MTOR: variants seen among roughly 807,000 people sequenced by gnomAD.
MTOR encodes the protein serine/threonine-protein kinase mTOR.
Under a neutral mutation model 319.8 loss-of-function variants are expected in MTOR, and 70 were observed. That is an observed-to-expected ratio of 0.22 (90% CI 0.18 to 0.27). MTOR has a LOEUF of 0.27. Ranked by LOEUF, MTOR falls within the 10% of genes least tolerant of loss-of-function variation. MTOR has a pLI of 1.00. For synonymous variants in MTOR, 1,183 were observed against 1,211.4 expected, an observed-to-expected ratio of 0.98 and a Z score of 0.49; for missense variants, 1,890 against 3,274.4, an observed-to-expected ratio of 0.58 and a Z score of 10.32.
rs201355215 is a variant in MTOR at position 11,133,055 on chromosome 1, T to C, written c.5364+25A>G. On this transcript the variant is annotated intron_variant, in intron 38 of 57. Transcript: ENST00000361445. The surrounding 1 kb of genome is among the most constrained non-coding windows in gnomAD (Gnocchi z 4.0). Reference sequence around the variant, plus strand: ...CACGAGCCAGCCAGGGTGCTGGGTCTCACAGGTGGCCTGCTTCTGATCACC... The same window carrying C: ...CACGAGCCAGCCAGGGTGCTGGGTCCCACAGGTGGCCTGCTTCTGATCACC... The C allele has an allele frequency of 6.2e-7, 1 of 1,604,852 alleles. No individual in the cohort carries two copies. Among genetic ancestry groups the C allele is most frequent in the East Asian group, 2.2e-5 (1 of 44,830 alleles).
intron 25 of MTOR, among the ~76,000 whole-genome samples, chr1:11,205,575 G>C (rs764320797): frequency 6.6e-6 from 1 of 152,156 alleles, no homozygotes; most frequent in Non-Finnish European, 1.5e-5. Context: ...CACCTGCCTG[G>C]GATCCTGGCT....
chr1:11,202,390 CAGCCTGGGAAACAG>C (rs1646000938), intron 26 of MTOR, among the ~76,000 whole-genome samples: 1 of 126,018 alleles, frequency 7.9e-6, no homozygotes, highest in Admixed American at 1.1e-4. Context: ...CACTGCACTC[CAGCCTGGGAAACAG>C]AGCAAAACTC....
intron 49 of MTOR, among the ~76,000 whole-genome samples, chr1:11,120,743 C>T (rs1452771841): frequency 6.6e-6 from 1 of 152,046 alleles, no homozygotes; most frequent in Non-Finnish European, 1.5e-5. Context: ...ACATATAATA[C>T]CTAATACAAT....
chr1:11,218,724 A>T (rs1167376415), intron 19 of MTOR, among the ~76,000 whole-genome samples: 1 of 152,180 alleles, frequency 6.6e-6, no homozygotes, highest in East Asian at 1.9e-4. Flanking sequence ...AATGCTGAGT[A>T]GAGAGCTAGA....
rs184117984 is a variant in MTOR at position 11,160,584 on chromosome 1, G to T, written c.4330-3293C>A. Among the ~76,000 whole-genome samples, 383 of 152,272 alleles carry T rather than the reference G, an allele frequency of 2.5e-3. 3 individuals are homozygous for T. The highest frequency in any genetic ancestry group is 3.9e-3 in the Non-Finnish European group (265 of 68,022). On this transcript the variant is annotated intron_variant, in intron 29 of 57. Coordinates refer to ENST00000361445, the MANE Select transcript of MTOR (RefSeq NM_004958.4). Reference sequence around the variant, plus strand: ...GTTTTGCCATTTATTCACTCTGTCAGCTCAGACCAGTTCTTAACCTGCTGG... The same window carrying T: ...GTTTTGCCATTTATTCACTCTGTCATCTCAGACCAGTTCTTAACCTGCTGG...
At chr1:11,196,836 G>T (rs982561250) in intron 28 of MTOR, among the ~76,000 whole-genome samples, 22 of 149,696 alleles carry the variant, frequency 1.5e-4, no homozygotes, top group African/African-American at 5.4e-4. Context: ...TGGAGACAGA[G>T]CGCGACTCCA....
intron 19 of MTOR, 148 bp from the exon 20 acceptor site, chr1:11,216,382 G>GCT: frequency 3.5e-6 from 2 of 574,442 alleles, no homozygotes; most frequent in Non-Finnish European, 6.1e-6. Flanking sequence ...AAAGACCCAA[G>GCT]CTTGGCTAGG....
intron 25 of MTOR, among the ~76,000 whole-genome samples, chr1:11,206,629 A>C (rs1646146632): frequency 6.6e-6 from 1 of 152,250 alleles, no homozygotes; most frequent in South Asian, 2.1e-4. Flanking sequence ...TTTTCAAAAA[A>C]TCATAGCTTA....
At chr1:11,118,121 A>C (rs746194317) in intron 49 of MTOR, among the ~76,000 whole-genome samples, 3 of 152,116 alleles carry the variant, frequency 2.0e-5, no homozygotes, top group Non-Finnish European at 2.9e-5. Context: ...AATAAAAACA[A>C]AATCTTCTAA....
chr1:11,168,953 T>C (rs188291974), intron 28 of MTOR, among the ~76,000 whole-genome samples: 55 of 152,276 alleles, frequency 3.6e-4, no homozygotes, highest in African/African-American at 1.1e-3. Flanking sequence ...TGTTTAAAGG[T>C]AGGGAGCAAA....
intron 49 of MTOR, among the ~76,000 whole-genome samples, chr1:11,118,393 T>C (rs1642304962): frequency 6.6e-6 from 1 of 150,904 alleles, no homozygotes; most frequent in East Asian, 2.0e-4. Context: ...CGTGCCACCA[T>C]GCCCAGCTAA....
intron 19 of MTOR, among the ~76,000 whole-genome samples, chr1:11,222,785 A>T (rs964752756): frequency 6.6e-6 from 1 of 152,040 alleles, no homozygotes; most frequent in Non-Finnish European, 1.5e-5. Flanking sequence ...TATATATATA[A>T]GTAAGAAAAT....
chr1:11,182,808 T>C (rs1224807761), intron 28 of MTOR, among the ~76,000 whole-genome samples: 1 of 152,258 alleles, frequency 6.6e-6, no homozygotes, highest in African/African-American at 2.4e-5. Flanking sequence ...CAGCTTTTCC[T>C]TTCTATTGCT....
rs768081068 is a variant in MTOR at position 11,157,223 on chromosome 1, T to C, written c.4398A>G (p.Lys1466=). 2 of 1,613,966 alleles carry C rather than the reference T, an allele frequency of 1.2e-6. No homozygotes were observed. Among genetic ancestry groups the C allele is most frequent in the East Asian group, 4.5e-5 (2 of 44,882 alleles). Residue 1466 remains lysine, a synonymous_variant, in exon 30 of 58, where the codon AAA becomes AAG. Coordinates refer to ENST00000361445, the MANE Select transcript of MTOR (RefSeq NM_004958.4). ...CTGGGTCGTCCTTGTTGGTGTCCAT[T>C]TTCTTGTCATAGGCCACAAGGGCAT... is the stretch of plus-strand genomic sequence containing the variant. ...WEDALVAYDK[K]MDTNKDDPEL...
intron 28 of MTOR, chr1:11,195,207 C>T (rs1308747941): frequency 4.4e-6 from 3 of 682,834 alleles, no homozygotes; most frequent in East Asian, 2.8e-5. Context: ...TTACAGTAAA[C>T]AGGATGAACT....
chr1:11,159,954 C>T (rs1644423913), intron 29 of MTOR, among the ~76,000 whole-genome samples: 1 of 152,020 alleles, frequency 6.6e-6, no homozygotes, highest in African/African-American at 2.4e-5. Flanking sequence ...AATGCCCTGC[C>T]AAGACCACAA....
intron 34 of MTOR, among the ~76,000 whole-genome samples, chr1:11,142,630 A>T (rs1013181047): frequency 2.0e-5 from 3 of 152,124 alleles, no homozygotes; most frequent in Admixed American, 1.3e-4. Flanking sequence ...GTTGATAAGA[A>T]GTCAGACTCA....
rs138875882 is a variant in MTOR, at chr1:11,232,478, G to T, written c.2472C>A (p.Ile824=). 4.3e-6 allele frequency: 7 copies of T among 1,614,008 alleles called. No individual in the cohort carries two copies. In the Admixed American group the frequency reaches 1.2e-4, roughly 27 times the overall value. The change falls in exon 16 of 58, where the codon ATC becomes ATA. Residue 824 remains isoleucine, a synonymous_variant. Transcript: ENST00000361445. ...AAGAGGAATCCTGGAGCATGTCCAT[G>T]ATGATAATAAAAAGTTCATCAACCC... is the stretch of plus-strand genomic sequence containing the variant. ...RKWVDELFII[I]MDMLQDSSLL...
chr1:11,196,370 A>C (rs938443407), intron 28 of MTOR, among the ~76,000 whole-genome samples: 1 of 152,172 alleles, frequency 6.6e-6, no homozygotes. Context: ...ATATTTACTG[A>C]TATGTGAGCT....
Sources: allele counts gnomAD v4.1 joint callset (sites outside exome capture counted in the v4.1 genomes callset), GRCh38; gene constraint gnomAD v4.1.1; non-coding constraint Gnocchi (gnomAD v3.1); transcripts MANE v1.5; gene names NCBI Gene and HGNC (gene_info 2026-07-23, HGNC 2026-07-21).